Variants in LRP5 observed in about 807,000 individuals in gnomAD.
LRP5 encodes LDL receptor related protein 5.
In LRP5, 62 loss-of-function variants were observed where a neutral mutation model predicts 154.1. The observed-to-expected ratio is 0.40, with a 90% CI of 0.33 to 0.50. LRP5 has a LOEUF of 0.50. Among genes scored for constraint, LRP5 ranks in the 20% least tolerant of loss-of-function variants. LRP5 has a pLI of 0.55. For missense variants in LRP5, 1,915 were observed against 2,336.7 expected (o/e 0.82, Z 3.72); for synonymous variants, 966 against 1,011.5 (o/e 0.96, Z 0.85).
chr11:68,298,741 G>A, the LRP5 span, among the ~76,000 whole-genome samples: 1 of 152,142 alleles, frequency 6.6e-6, no homozygotes, highest in Admixed American at 6.5e-5. Context: ...GGGCCTTCAC[G>A]GGGCTGGTGC....
At chr11:68,348,299 T>A (rs2098615199) in intron 2 of LRP5, 56 bp downstream of exon 2, 3 of 1,592,590 alleles carry the variant, frequency 1.9e-6, no homozygotes, top group African/African-American at 2.7e-5. Context: ...TCACCATCTC[T>A]CTCTCGAATT....
At chr11:68,338,815 G>C (rs887091904) in intron 1 of LRP5, among the ~76,000 whole-genome samples, 1 of 151,624 alleles carries the variant, frequency 6.6e-6, no homozygotes, top group Non-Finnish European at 1.5e-5. Flanking sequence ...CATTCCCATT[G>C]GGATGAAGTT....
intron 2 of LRP5, among the ~76,000 whole-genome samples, chr11:68,356,267 C>G (rs1270779455): frequency 1.3e-5 from 2 of 151,800 alleles, no homozygotes; most frequent in Non-Finnish European, 2.9e-5. Context: ...GTCAGCCTCC[C>G]AAGTAGCTGG....
At chr11:68,350,302 G>C (rs1013657078) in intron 2 of LRP5, among the ~76,000 whole-genome samples, 2 of 152,254 alleles carry the variant, frequency 1.3e-5, no homozygotes, top group Admixed American at 1.3e-4. Context: ...CTCCCAAAGT[G>C]TTGGGATTGC....
At chr11:68,326,040 G>A (rs752627639) in intron 1 of LRP5, among the ~76,000 whole-genome samples, 2 of 152,242 alleles carry the variant, frequency 1.3e-5, no homozygotes, top group Non-Finnish European at 2.9e-5. Context: ...AGTGTGGCCT[G>A]GTGGCCTGTG....
intron 18 of LRP5, among the ~76,000 whole-genome samples, chr11:68,435,250 A>C (rs560589629): frequency 1.4e-4 from 21 of 152,322 alleles, no homozygotes; most frequent in African/African-American, 4.8e-4. Flanking sequence ...TTCAGCTTGC[A>C]GGAGCCGTGG....
intron 3 of LRP5, among the ~76,000 whole-genome samples, chr11:68,359,077 T>A (rs963362490): frequency 6.6e-6 from 1 of 152,256 alleles, no homozygotes; most frequent in African/African-American, 2.4e-5. Flanking sequence ...TATCCATTGC[T>A]GTGTAACAAA....
In LRP5 at chr11:68,364,290, A is replaced by G. The variant is rs190795176; in HGVS notation, c.883+347A>G. Among the ~76,000 whole-genome samples the G allele has an allele frequency of 5.7e-4, 86 of 151,450 alleles. 1 individual carries two copies. The highest frequency in any genetic ancestry group is 6.8e-3 in the Middle Eastern group (2 of 294). On this transcript the variant is annotated intron_variant, in intron 4 of 22. Transcript: ENST00000294304. ...GAAGAAGTTGTCTGTGTGTGTGTGT[A>G]TATGTATTTATATACACATACACGT...
chr11:68,342,208 C>T (rs2098609573), intron 1 of LRP5, among the ~76,000 whole-genome samples: 2 of 152,056 alleles, frequency 1.3e-5, no homozygotes, highest in South Asian at 2.1e-4. Flanking sequence ...GTGTGAGCTA[C>T]GGAGCCGGCC....
intron 2 of LRP5, among the ~76,000 whole-genome samples, chr11:68,351,320 C>T (rs911152914): frequency 1.2e-4 from 18 of 152,152 alleles, no homozygotes; most frequent in Admixed American, 5.9e-4. Flanking sequence ...AGCTGACCTC[C>T]GGGGCAGCCT....
chr11:68,384,089 C>G (rs1160264541), intron 5 of LRP5, among the ~76,000 whole-genome samples: 1 of 152,182 alleles, frequency 6.6e-6, no homozygotes, highest in East Asian at 1.9e-4. Flanking sequence ...CAGCCCTGGG[C>G]CCGTGTCGCT....
chr11:68,326,530 C>G (rs75381062), intron 1 of LRP5, among the ~76,000 whole-genome samples: 13,004 of 152,290 alleles, frequency 0.085, 632 homozygotes, highest in Middle Eastern at 0.16. Context: ...CCGTGACGGT[C>G]AGTGCCTTTG....
chr11:68,377,340 C>T (rs2153147251), intron 5 of LRP5, among the ~76,000 whole-genome samples: 1 of 152,320 alleles, frequency 6.6e-6, no homozygotes, highest in East Asian at 1.9e-4. Context: ...CAGACAGAGC[C>T]CCTGACTGCA....
chr11:68,425,426 T>A, intron 15 of LRP5, 134 bp downstream of exon 15: 1 of 911,234 alleles, frequency 1.1e-6, no homozygotes, highest in Non-Finnish European at 1.7e-6. Context: ...GCGTGTTTTG[T>A]CCTCACACTG....
chr11:68,437,338 G>T (rs979005501), intron 19 of LRP5, among the ~76,000 whole-genome samples: 3 of 152,262 alleles, frequency 2.0e-5, no homozygotes, highest in African/African-American at 4.8e-5. Flanking sequence ...CTGTTCCCTG[G>T]CAGCTTACTG....
chr11:68,418,621 C>T (rs565062565), intron 13 of LRP5, among the ~76,000 whole-genome samples: 2 of 152,286 alleles, frequency 1.3e-5, no homozygotes, highest in South Asian at 4.1e-4. Flanking sequence ...CGCCCCTTTC[C>T]ACCAGATCCT....
chr11:68,401,237 C>A (rs1001807557), intron 7 of LRP5, among the ~76,000 whole-genome samples: 1 of 152,110 alleles, frequency 6.6e-6, no homozygotes. Context: ...CTTTGCGTGT[C>A]TTCCTGTTGT....
chr11:68,423,521 A>G lies in LRP5; in HGVS notation c.3060A>G (p.Gln1020=). ...TTTTGACCTCTCTGAGCCAAGGCCA[A>G]AACCCAGACAGGCAGCCCCACGACC... The part of the protein sequence containing the change: ...PFVLTSLSQG[Q]NPDRQPHDLS... Residue 1020 remains glutamine, a synonymous_variant, in exon 14 of 23, where the codon CAA becomes CAG. Transcript: ENST00000294304. The surrounding 1 kb of genome is among the most constrained non-coding windows in gnomAD (Gnocchi z 4.7). 1 of 1,614,172 alleles carries G rather than the reference A, an allele frequency of 6.2e-7. No individual in the cohort carries two copies. The highest frequency in any genetic ancestry group is 1.1e-5 in the South Asian group (1 of 91,078).
intron 7 of LRP5, among the ~76,000 whole-genome samples, chr11:68,391,013 G>T (rs1447544300): frequency 6.6e-6 from 1 of 152,218 alleles, no homozygotes; most frequent in Non-Finnish European, 1.5e-5. Flanking sequence ...TGTTGCCCAG[G>T]CTGGAGTGCA....
Sources: gnomAD v4.1 joint callset for allele counts (sites outside exome capture counted in the v4.1 genomes callset) on GRCh38, gnomAD v4.1.1 for gene constraint, Gnocchi (gnomAD v3.1) non-coding constraint, MANE v1.5 for transcripts, NCBI Gene and HGNC (gene_info 2026-07-23, HGNC 2026-07-21) for gene names.